The following FBN2 variants were observed in gnomAD, a reference collection of about 807,000 sequenced individuals.
The protein encoded by FBN2 is fibrillin 2.
A neutral mutation model predicts 355.6 loss-of-function variants in FBN2; 105 were observed. The ratio of observed to expected loss-of-function variants is 0.30; its 90% CI spans 0.25 to 0.35. The LOEUF is 0.35. Ranked by LOEUF, FBN2 falls within the 10% of genes least tolerant of loss-of-function variation. The probability of loss-of-function intolerance (pLI) is 1.00; values close to 1 mark genes in which losing one functional copy is unlikely to be tolerated. For synonymous variants in FBN2, 1,350 were observed against 1,301.2 expected (o/e 1.04, Z -0.81); for missense variants, 3,280 against 3,758.7 (o/e 0.87, Z 3.33).
intron 55 of FBN2, 79 bp downstream of exon 55, chr5:128,286,639 A>G (rs977733291): frequency 1.9e-6 from 3 of 1,540,466 alleles, no homozygotes; most frequent in African/African-American, 2.7e-5. Context: ...CTTGCAGTTA[A>G]GATGATGTGG....
chr5:128,529,356 C>G (rs1054689202), intron 3 of FBN2, among the ~76,000 whole-genome samples: 4 of 152,112 alleles, frequency 2.6e-5, no homozygotes, highest in Admixed American at 2.0e-4. Flanking sequence ...CTGAAGGCCA[C>G]TGGCATTTTA....
intron 25 of FBN2, among the ~76,000 whole-genome samples, chr5:128,342,011 G>A (rs1434829581): frequency 6.6e-6 from 1 of 152,092 alleles, no homozygotes; most frequent in Non-Finnish European, 1.5e-5. Context: ...TACAGGGTAG[G>A]GGGAAGAGCA....
chr5:128,487,859 A>C (rs34628042), intron 5 of FBN2, among the ~76,000 whole-genome samples: 25,120 of 152,184 alleles, frequency 0.17, 2,371 homozygotes, highest in Non-Finnish European at 0.23. Context: ...TATATTTCAC[A>C]TTACATCATA....
At chr5:128,316,840 G>A (rs539131036) in intron 36 of FBN2, among the ~76,000 whole-genome samples, 1 of 152,158 alleles carries the variant, frequency 6.6e-6, no homozygotes, top group African/African-American at 2.4e-5. Flanking sequence ...TTGTTCCAAG[G>A]AGGTTTTTAA....
At chr5:128,299,486 T>C (rs1404788221) in intron 48 of FBN2, among the ~76,000 whole-genome samples, 3 of 149,828 alleles carry the variant, frequency 2.0e-5, no homozygotes, top group South Asian at 2.2e-4. Flanking sequence ...TCCATGGGCA[T>C]AGGACCCTCC....
At chr5:128,310,341 T>G (rs1339954397) in intron 39 of FBN2, among the ~76,000 whole-genome samples, 1 of 142,758 alleles carries the variant, frequency 7.0e-6, no homozygotes, top group Non-Finnish European at 1.5e-5. Context: ...TATTCTAAAG[T>G]GGCAAAAAAT....
At chr5:128,291,747 A>G in intron 48 of FBN2, 93 bp from the exon 49 acceptor site, 1 of 1,144,176 alleles carries the variant, frequency 8.7e-7, no homozygotes, top group Non-Finnish European at 1.3e-6. Context: ...CTGATATTTC[A>G]GACAAGAGAT....
At chr5:128,333,997 C>G (rs572237087) in intron 31 of FBN2, among the ~76,000 whole-genome samples, 146 of 152,094 alleles carry the variant, frequency 9.6e-4, no homozygotes, top group African/African-American at 3.4e-3. Context: ...CTTCCACCAC[C>G]TGCCTTGAAA....
chr5:128,407,342 T>A (rs917917371), intron 8 of FBN2, among the ~76,000 whole-genome samples: 1 of 152,202 alleles, frequency 6.6e-6, no homozygotes, highest in Non-Finnish European at 1.5e-5. Context: ...CCATATGACA[T>A]ATTTATATAG....
chr5:128,297,615 T>G (rs893488380), intron 48 of FBN2, among the ~76,000 whole-genome samples: 4 of 152,226 alleles, frequency 2.6e-5, no homozygotes, highest in African/African-American at 9.6e-5. Context: ...TCTTTTGATC[T>G]TTGTTGGTTT....
rs2126818426 is a variant in FBN2, at chr5:128,288,316, A to G, written c.6757+122T>C. On this transcript the variant is annotated intron_variant, in intron 53 of 64. Coordinates refer to ENST00000262464, the MANE Select transcript of FBN2 (RefSeq NM_001999.4). ...AACCAACCAAACAAAAAACCCAAAA[A>G]ACAAAAAACCCCACCGTATGCTCAC... 4 of 1,193,754 alleles carry G rather than the reference A, an allele frequency of 3.4e-6. No homozygotes were observed. In the South Asian group the frequency reaches 4.2e-5, roughly 13 times the overall value. The allele number at this position is 1,193,754 out of a possible 1,614,324, so 73.9% of individuals were successfully genotyped here. A position where few individuals can be genotyped will look rare whatever the true frequency, so the allele number is the denominator to read the frequency against.
chr5:128,377,001 T>G, intron 13 of FBN2, 148 bp from the exon 14 acceptor site: 1 of 917,956 alleles, frequency 1.1e-6, no homozygotes, highest in Non-Finnish European at 1.7e-6. Flanking sequence ...GAACGCCAAC[T>G]GAATGAGAAA....
chr5:128,378,441 G>A (rs1347747901), intron 12 of FBN2, among the ~76,000 whole-genome samples: 3 of 152,078 alleles, frequency 2.0e-5, no homozygotes, highest in Non-Finnish European at 4.4e-5. Context: ...GACTATGTGT[G>A]GGATTCAAAG....
At chr5:128,389,328 G>A (rs1752449254) in intron 11 of FBN2, among the ~76,000 whole-genome samples, 1 of 152,190 alleles carries the variant, frequency 6.6e-6, no homozygotes, top group South Asian at 2.1e-4. Flanking sequence ...GGAGAATGCT[G>A]GCAGAGGCCC....
intron 20 of FBN2, among the ~76,000 whole-genome samples, chr5:128,351,796 C>A (rs1751375225): frequency 6.6e-6 from 1 of 151,870 alleles, no homozygotes; most frequent in Non-Finnish European, 1.5e-5. Context: ...GAACTCCAGG[C>A]CTCAAGCAAT....
chr5:128,468,143 G>A (rs1754763995), intron 5 of FBN2, among the ~76,000 whole-genome samples: 1 of 152,118 alleles, frequency 6.6e-6, no homozygotes, highest in African/African-American at 2.4e-5. Context: ...TAGTTTCTGT[G>A]ACTATAAATT....
At chr5:128,295,345 T>G (rs1233961993) in intron 48 of FBN2, among the ~76,000 whole-genome samples, 1 of 151,782 alleles carries the variant, frequency 6.6e-6, no homozygotes. Flanking sequence ...ATATGAACTT[T>G]AAAGTAGTTT....
Position 128,349,426 on chromosome 5 carries a change from G to C in FBN2, c.2910C>G (p.Arg970=), listed in dbSNP as rs756216404. 1.9e-6 allele frequency: 3 copies of C among 1,613,964 alleles called. No individual in the cohort carries two copies. In the Admixed American group the frequency reaches 5.0e-5, roughly 27 times the overall value. Residue 970 remains arginine (R), a synonymous_variant, in exon 23 of 65, where the codon CGC becomes CGG. Coordinates refer to ENST00000262464, the MANE Select transcript of FBN2 (RefSeq NM_001999.4). ...GAAAAGATCCCTTACTGTTGACACA[G>C]CGTCCATTTGGACAAACGCCAGGGA... is the stretch of plus-strand genomic sequence containing the variant. ...EVFPGVCPNG[R]CVNSKGSFHC... is the part of the protein sequence containing the mutation.
chr5:128,283,968 G>C, intron 55 of FBN2, among the ~76,000 whole-genome samples: 1 of 152,006 alleles, frequency 6.6e-6, no homozygotes, highest in Non-Finnish European at 1.5e-5. Flanking sequence ...TACATTTTCT[G>C]AATCTGTCCA....
Sources: allele counts gnomAD v4.1 joint callset (sites outside exome capture counted in the v4.1 genomes callset), GRCh38; gene constraint gnomAD v4.1.1; transcripts MANE v1.5; gene names NCBI Gene and HGNC (gene_info 2026-07-23, HGNC 2026-07-21).